C12orf75: variants seen among roughly 807,000 people sequenced by gnomAD.
C12orf75 encodes chromosome 12 open reading frame 75, also known as overexpressed in colon carcinoma 1 protein.
Under a neutral mutation model 11.4 loss-of-function variants are expected in C12orf75, and 4 were observed. The observed-to-expected ratio is 0.35, with a 90% CI of 0.17 to 0.80. C12orf75 has a LOEUF of 0.80. Among genes scored for constraint, C12orf75 ranks in the 30% least tolerant of loss-of-function variants. C12orf75 has a pLI of 0.52. For synonymous variants in C12orf75, 30 were observed against 30.0 expected (o/e 1.00, Z 0.00); for missense variants, 89 against 80.4 (o/e 1.11, Z -0.41).
intron 1 of C12orf75, among the ~76,000 whole-genome samples, chr12:105,348,015 A>T (rs575144269): frequency 4.6e-5 from 7 of 152,226 alleles, no homozygotes; most frequent in Non-Finnish European, 8.8e-5. Flanking sequence ...TGATCTGTAA[A>T]ATCTTTTTCA....
chr12:105,345,161 T>C (rs369287251), intron 1 of C12orf75, among the ~76,000 whole-genome samples: 2 of 152,096 alleles, frequency 1.3e-5, no homozygotes, highest in Non-Finnish European at 2.9e-5. Flanking sequence ...GCAGACTCTT[T>C]GTAGCAGTAA....
In C12orf75 at chr12:105,357,841, G is replaced by GAC. The variant is rs1566140855; in HGVS notation, c.72-7965_72-7964insCA. ...GAGAGAGAGAGAGAGGAGAGAGAGA[G>GAC]AGACAGACAGACAGACAGACAGACA... On this transcript the variant is annotated intron_variant, in intron 2 of 5. Transcript: ENST00000443585. Among the ~76,000 whole-genome samples, 179 of 149,186 alleles carry GAC rather than the reference G, an allele frequency of 1.2e-3. 2 individuals carry two copies. The highest frequency in any genetic ancestry group is 4.3e-3 in the African/African-American group (174 of 40,470).
intron 2 of C12orf75, among the ~76,000 whole-genome samples, chr12:105,359,658 G>GT (rs1439137797): frequency 6.6e-6 from 1 of 151,364 alleles, no homozygotes; most frequent in Non-Finnish European, 1.5e-5. Flanking sequence ...ATAGTCCCAG[G>GT]TATTTGGGAG....
At chr12:105,347,345 C>T (rs566943959) in intron 1 of C12orf75, among the ~76,000 whole-genome samples, 3 of 152,266 alleles carry the variant, frequency 2.0e-5, no homozygotes, top group African/African-American at 7.2e-5. Flanking sequence ...CACAATAGGC[C>T]GTCTGCAAGC....
chr12:105,369,414 A>G (rs142365294), intron 5 of C12orf75, among the ~76,000 whole-genome samples: 3 of 151,318 alleles, frequency 2.0e-5, no homozygotes, highest in Non-Finnish European at 2.9e-5. Flanking sequence ...TTTTTTTTCT[A>G]TTACCCTTAC....
At chr12:105,345,074 A>G (rs1163726923) in intron 1 of C12orf75, among the ~76,000 whole-genome samples, 2 of 151,688 alleles carry the variant, frequency 1.3e-5, no homozygotes, top group Admixed American at 1.3e-4. Flanking sequence ...GACATGCCTC[A>G]TTATACCCTC....
intron 1 of C12orf75, among the ~76,000 whole-genome samples, chr12:105,333,731 C>T (rs1892466067): frequency 6.6e-6 from 1 of 152,138 alleles, no homozygotes; most frequent in African/African-American, 2.4e-5. Flanking sequence ...TCAAAAATAA[C>T]ATGAAAGCAC....
rs1306258047 is a variant in C12orf75, at chr12:105,348,138, G to A, written c.47-464G>A. 6.6e-5 allele frequency among the ~76,000 whole-genome samples: 10 copies of A among 152,280 alleles called. No individual in the cohort carries two copies. The East Asian group carries it at 1.3e-3, about 21-fold the overall frequency. The stretch of plus-strand genomic sequence containing the variant: ...AATTTAAGATTGGAATTTGAGGCCC[G>A]GTGCAGTGGCTCATGCCTGTAATCC... On this transcript the variant is annotated intron_variant, in intron 1 of 5. Transcript: ENST00000443585.
At chr12:105,355,841 G>T (rs549633668) in intron 2 of C12orf75, among the ~76,000 whole-genome samples, 1 of 95,898 alleles carries the variant, frequency 1.0e-5, no homozygotes, top group African/African-American at 4.3e-5. Flanking sequence ...AACACTGTGT[G>T]CCCCTTAGTA....
chr12:105,342,875 T>G (rs1892591737), intron 1 of C12orf75, among the ~76,000 whole-genome samples: 1 of 152,204 alleles, frequency 6.6e-6, no homozygotes. Context: ...TTTGAATAGA[T>G]GGGATTTGCT....
chr12:105,369,617 A>G (rs1230540339), intron 5 of C12orf75, among the ~76,000 whole-genome samples: 1 of 151,162 alleles, frequency 6.6e-6, no homozygotes, highest in Non-Finnish European at 1.5e-5. Context: ...CTTTCCCCCA[A>G]CCCCTGAACA....
chr12:105,337,834 G>A (rs963726382), intron 1 of C12orf75, among the ~76,000 whole-genome samples: 5 of 152,072 alleles, frequency 3.3e-5, no homozygotes, highest in African/African-American at 1.2e-4. Flanking sequence ...TTTTAACCTT[G>A]CCATATGAAT....
At chr12:105,338,929 C>G (rs921157769) in intron 1 of C12orf75, among the ~76,000 whole-genome samples, 6 of 152,122 alleles carry the variant, frequency 3.9e-5, no homozygotes, top group Non-Finnish European at 8.8e-5. Context: ...CAAGGACGAC[C>G]TATAAAAATG....
intron 1 of C12orf75, among the ~76,000 whole-genome samples, chr12:105,346,369 A>G (rs79472555): frequency 0.017 from 2,641 of 152,306 alleles, 31 homozygotes; most frequent in Non-Finnish European, 0.026. Context: ...ACCTATCTCA[A>G]TACTTTTTGA....
intron 2 of C12orf75, among the ~76,000 whole-genome samples, chr12:105,350,978 A>G (rs1477385342): frequency 6.6e-6 from 1 of 152,208 alleles, no homozygotes; most frequent in Admixed American, 6.5e-5. Flanking sequence ...TCTATGTCCT[A>G]TAACTTTAAA....
At chr12:105,338,821 C>T (rs1174838601) in intron 1 of C12orf75, among the ~76,000 whole-genome samples, 2 of 152,172 alleles carry the variant, frequency 1.3e-5, no homozygotes, top group African/African-American at 2.4e-5. Context: ...ACCAGCCATT[C>T]ATGAAGGATC....
intron 2 of C12orf75, among the ~76,000 whole-genome samples, chr12:105,351,844 C>T (rs1049548533): frequency 6.6e-6 from 1 of 151,916 alleles, no homozygotes; most frequent in African/African-American, 2.4e-5. Context: ...GGCCAATAAT[C>T]GTGCTTGTTT....
In C12orf75 at chr12:105,330,955, CG is replaced by C. The variant is rs1207013832; in HGVS notation, c.46+23del. The C allele has an allele frequency of 3.0e-6, 3 of 1,000,480 alleles. No individual in the cohort carries two copies. The highest frequency in any genetic ancestry group is 3.3e-5 in the East Asian group (1 of 30,294). 62.0% of individuals were successfully genotyped at this position (1,000,480 alleles called of 1,614,324 possible). A position where few individuals can be genotyped will look rare whatever the true frequency, so the allele number is the denominator to read the frequency against. On this transcript the variant is annotated intron_variant, in intron 1 of 5. Transcript: ENST00000443585. ...GGGCCAAGGTGAGTCCGGCGGGAGG[CG>C]GGGGCCGGCGGGGGCGGGCGGGAGA...
intron 4 of C12orf75, among the ~76,000 whole-genome samples, chr12:105,367,002 A>C (rs577048704): frequency 6.6e-5 from 10 of 152,344 alleles, no homozygotes; most frequent in African/African-American, 2.4e-4. Flanking sequence ...TGGCATTTTC[A>C]TAGAACAGAA....
Sources: gnomAD v4.1 joint callset for allele counts (sites outside exome capture counted in the v4.1 genomes callset) on GRCh38, gnomAD v4.1.1 for gene constraint, MANE v1.5 for transcripts, NCBI Gene and HGNC (gene_info 2026-07-23, HGNC 2026-07-21) for gene names.